The following GPHN variants were observed in gnomAD, a reference collection of about 807,000 sequenced individuals.
GPHN encodes the protein gephyrin.
GPHN carries 17 observed loss-of-function variants against 95.5 expected under a neutral mutation model. The ratio of observed to expected loss-of-function variants is 0.18; its 90% CI spans 0.12 to 0.27. The LOEUF (loss-of-function observed/expected upper bound fraction) is 0.27, where lower values mean the gene tolerates loss of function less well. Among genes scored for constraint, GPHN ranks in the 10% least tolerant of loss-of-function variants. GPHN has a pLI of 1.00. For synonymous variants in GPHN, 320 were observed against 322.5 expected, an observed-to-expected ratio of 0.99 and a Z score of 0.08; for missense variants, 660 against 978.1, an observed-to-expected ratio of 0.67 and a Z score of 4.34.
the GPHN span, among the ~76,000 whole-genome samples, chr14:67,525,875 C>G: frequency 6.6e-6 from 1 of 152,216 alleles, no homozygotes; most frequent in Non-Finnish European, 1.5e-5. Flanking sequence ...GAAATTTCTA[C>G]TTTCAAGATC....
At chr14:66,668,844 G>A (rs1476692187) in intron 1 of GPHN, among the ~76,000 whole-genome samples, 1 of 149,636 alleles carries the variant, frequency 6.7e-6, no homozygotes, top group Non-Finnish European at 1.5e-5. Context: ...GAAATTGATT[G>A]TCATTTGTAT....
chr14:67,557,152 G>A, the GPHN span: 51,145 of 736,876 alleles, frequency 0.069, 1,942 homozygotes, highest in African/African-American at 0.09. Context: ...CCTGGGTAAG[G>A]GCTGTGCCTG....
At position 67,159,492 on chromosome 14, in the gene GPHN, T is replaced by G; in HGVS notation, c.1910+4T>G. On this transcript the variant is annotated splice_donor_region_variant and intron_variant, in intron 19 of 22. Transcript: ENST00000478722. ...GCAGGGTTTTTATGAAACCAGGGTATGAAAATCATCTTGTTATCTCATATA... is the reference window on the plus strand; with the variant it reads ...GCAGGGTTTTTATGAAACCAGGGTAGGAAAATCATCTTGTTATCTCATATA... 6.4e-7 allele frequency: 1 copy of G among 1,570,362 alleles called. No homozygotes were observed. The highest frequency in any genetic ancestry group is 8.8e-7 in the Non-Finnish European group (1 of 1,140,180).
chr14:67,495,847 G>A, the GPHN span, among the ~76,000 whole-genome samples: 4 of 152,332 alleles, frequency 2.6e-5, no homozygotes, highest in East Asian at 7.7e-4. Context: ...CACACTGCCT[G>A]ACTTAGGCCT....
At chr14:66,821,691 A>G (rs889486652) in intron 3 of GPHN, among the ~76,000 whole-genome samples, 1 of 152,208 alleles carries the variant, frequency 6.6e-6, no homozygotes, top group African/African-American at 2.4e-5. Context: ...TTGAAAACCA[A>G]GTGACTGAAT....
the GPHN span, chr14:67,333,391 G>A: frequency 0.019 from 2,930 of 153,838 alleles, 102 homozygotes; most frequent in African/African-American, 0.065. Flanking sequence ...TGAGCAGAGG[G>A]ACTGTGCTTC....
At chr14:67,157,629 G>A (rs1402463164) in intron 18 of GPHN, among the ~76,000 whole-genome samples, 1 of 152,106 alleles carries the variant, frequency 6.6e-6, no homozygotes, top group Non-Finnish European at 1.5e-5. Context: ...TTCAAGACCA[G>A]CCTGGCCAAC....
intron 18 of GPHN, among the ~76,000 whole-genome samples, chr14:67,155,054 C>A (rs569946871): frequency 6.6e-6 from 1 of 152,024 alleles, no homozygotes; most frequent in East Asian, 1.9e-4. Flanking sequence ...GCAAAGAAGC[C>A]AAGCATAAAA....
At chr14:67,152,732 C>T (rs1178728815) in intron 18 of GPHN, among the ~76,000 whole-genome samples, 2 of 152,126 alleles carry the variant, frequency 1.3e-5, no homozygotes, top group Non-Finnish European at 1.5e-5. Context: ...TTTGGTAGGC[C>T]GAGGCGGGCA....
At chr14:67,026,836 G>A (rs2073950857) in intron 10 of GPHN, among the ~76,000 whole-genome samples, 1 of 152,094 alleles carries the variant, frequency 6.6e-6, no homozygotes, top group African/African-American at 2.4e-5. Flanking sequence ...TAGAGATGGG[G>A]TTTCACCGTG....
At chr14:66,576,418 A>G (rs1036203447) in intron 1 of GPHN, among the ~76,000 whole-genome samples, 5 of 152,180 alleles carry the variant, frequency 3.3e-5, no homozygotes, top group South Asian at 2.1e-4. Flanking sequence ...AGTCAGCCCA[A>G]TATTAATCAT....
At chr14:67,350,463 G>A in the GPHN span, 1 of 576,478 alleles carries the variant, frequency 1.7e-6, no homozygotes, top group Non-Finnish European at 2.9e-6. Context: ...GTGGAGTTAA[G>A]GTGATGGGGT....
intron 9 of GPHN, 69 bp from the exon 10 acceptor site, chr14:67,023,564 C>T: frequency 3.3e-6 from 4 of 1,199,898 alleles, no homozygotes; most frequent in Non-Finnish European, 5.0e-6. Context: ...GGAGCTTGCC[C>T]ATTAAATATG....
the GPHN span, chr14:67,735,274 C>T: frequency 7.1e-6 from 7 of 989,632 alleles, no homozygotes; most frequent in Middle Eastern, 3.0e-4. Context: ...CCTTCAGAAT[C>T]GCCTCGTGCT....
chr14:66,965,356 G>A, intron 9 of GPHN, 31 bp downstream of exon 9: 1 of 1,601,496 alleles, frequency 6.2e-7, no homozygotes, highest in Non-Finnish European at 8.6e-7. Flanking sequence ...TCTTACACCT[G>A]CTCTTCTATA....
At chr14:67,320,631 C>A in the GPHN span, among the ~76,000 whole-genome samples, 2 of 152,180 alleles carry the variant, frequency 1.3e-5, no homozygotes, top group Admixed American at 6.6e-5. Flanking sequence ...TCAGTTTGGG[C>A]CCCTTATAAT....
the GPHN span, among the ~76,000 whole-genome samples, chr14:67,211,530 G>A: frequency 1.3e-5 from 2 of 152,168 alleles, no homozygotes; most frequent in African/African-American, 4.8e-5. Context: ...GACCATATTC[G>A]AATGTATGAG....
intron 8 of GPHN, among the ~76,000 whole-genome samples, chr14:66,956,586 G>A (rs1192495537): frequency 4.0e-5 from 6 of 151,852 alleles, no homozygotes; most frequent in African/African-American, 1.5e-4. Flanking sequence ...TCTAACTGGT[G>A]TGAGATGGTA....
chr14:67,064,983 T>G (rs924065419), intron 11 of GPHN, among the ~76,000 whole-genome samples: 1 of 151,984 alleles, frequency 6.6e-6, no homozygotes, highest in Admixed American at 6.5e-5. Flanking sequence ...AGCTTTTGAA[T>G]GTGTTTGCTC....
Sources: gnomAD v4.1 joint callset for allele counts (sites outside exome capture counted in the v4.1 genomes callset) on GRCh38, gnomAD v4.1.1 for gene constraint, MANE v1.5 for transcripts, NCBI Gene and HGNC (gene_info 2026-07-23, HGNC 2026-07-21) for gene names.